The following CPA4 variants were observed in gnomAD, a reference collection of about 807,000 sequenced individuals.
The protein encoded by CPA4 is carboxypeptidase A3.
Under a neutral mutation model 54.7 loss-of-function variants are expected in CPA4, and 49 were observed. That is an observed-to-expected ratio of 0.90 (90% CI 0.71 to 1.14). The LOEUF is 1.14. CPA4 is among the 50% of genes most tolerant of loss of function. The pLI, the probability that CPA4 is intolerant of heterozygous loss-of-function variation, is 0.00. For missense variants in CPA4, 487 were observed against 525.1 expected (o/e 0.93, Z 0.71); for synonymous variants, 215 against 206.8 (o/e 1.04, Z -0.34).
intron 9 of CPA4, 115 bp downstream of exon 9, chr7:130,311,101 T>C: frequency 1.3e-6 from 1 of 785,524 alleles, no homozygotes; most frequent in Non-Finnish European, 2.2e-6. Context: ...CATGTTTCAT[T>C]GAAGGTCCAA....
rs150563047 is a variant in CPA4, at chr7:130,324,137, C to T, written c.*1461C>T. ...CTCCTGCCTAGGATTTGTACAGCAT[C>T]TGGTGTGTGCTTATAAGCCAATAAA... is the stretch of plus-strand genomic sequence containing the variant. On this transcript the variant is annotated 3_prime_UTR_variant, in exon 11 of 11. Transcript: ENST00000222482. 678 of 152,750 alleles carry T rather than the reference C, an allele frequency of 4.4e-3. 7 individuals are homozygous for T. The highest frequency in any genetic ancestry group is 6.8e-3 in the Middle Eastern group (2 of 294). 9.5% of individuals were successfully genotyped at this position (152,750 alleles called of 1,614,324 possible).
chr7:130,307,625 A>G (rs549195896), intron 7 of CPA4, among the ~76,000 whole-genome samples: 3,844 of 111,648 alleles, frequency 0.034, 109 homozygotes, highest in Non-Finnish European at 0.047. Context: ...GCAAGACTCC[A>G]TCTCAGAAAA....
Position 130,306,002 on chromosome 7 carries a change from C to T in CPA4, c.591+82C>T, listed in dbSNP as rs562589354. On this transcript the variant is annotated intron_variant, in intron 6 of 10. Coordinates refer to ENST00000222482, the MANE Select transcript of CPA4 (RefSeq NM_016352.4). ...ATGCCATGTGGCTGGGCCTGGGGCA[C>T]GAGGTGGGAGGGTTCTCTACTAAGA... 1.7e-4 allele frequency: 204 copies of T among 1,180,538 alleles called. 2 individuals are homozygous for T. The South Asian group carries it at 2.2e-3, about 13-fold the overall frequency. The allele number at this position is 1,180,538 out of a possible 1,614,324, so 73.1% of individuals were successfully genotyped here.
chr7:130,317,865 G>A (rs929816080), intron 10 of CPA4, among the ~76,000 whole-genome samples: 7 of 151,666 alleles, frequency 4.6e-5, no homozygotes, highest in Non-Finnish European at 7.4e-5. Context: ...TCAATTCTCC[G>A]CCCACTCTCC....
intron 4 of CPA4, among the ~76,000 whole-genome samples, chr7:130,304,064 A>G (rs112355878): frequency 6.6e-6 from 1 of 150,946 alleles, no homozygotes; most frequent in Non-Finnish European, 1.5e-5. Context: ...ATGGGGTCTC[A>G]CTATGTTGCC....
In CPA4 at chr7:130,296,650, A is replaced by G. The variant is rs531322193; in HGVS notation, c.69-2096A>G. Among the ~76,000 whole-genome samples the G allele has an allele frequency of 2.9e-4, 44 of 149,664 alleles. No individual in the cohort carries two copies. In the South Asian group the frequency reaches 4.2e-3, roughly 14 times the overall value. On this transcript the variant is annotated intron_variant, in intron 1 of 10. Coordinates refer to ENST00000222482, the MANE Select transcript of CPA4 (RefSeq NM_016352.4). Reference sequence around the variant, plus strand: ...TAACTGTGCTAATAAATATGTCACCACACAAGATCTTTCTAGCAGCTCCCC... The same window carrying G: ...TAACTGTGCTAATAAATATGTCACCGCACAAGATCTTTCTAGCAGCTCCCC...
At chr7:130,316,591 A>C (rs574507902) in intron 10 of CPA4, among the ~76,000 whole-genome samples, 2 of 152,182 alleles carry the variant, frequency 1.3e-5, no homozygotes. Context: ...GTGGTGAAAC[A>C]TGGTGAGAGA....
intron 10 of CPA4, among the ~76,000 whole-genome samples, chr7:130,315,783 G>A (rs1408158820): frequency 6.6e-6 from 1 of 152,158 alleles, no homozygotes; most frequent in Non-Finnish European, 1.5e-5. Context: ...TCGAAAGGTT[G>A]GGAAAGAAGG....
Position 130,323,943 on chromosome 7 carries a change from GTGTGTGTC to G in CPA4, c.*1271_*1278del, listed in dbSNP as rs1794174843. 2 of 151,852 alleles carry G rather than the reference GTGTGTGTC, an allele frequency of 1.3e-5. No homozygotes were observed. Among genetic ancestry groups the G allele is most frequent in the Non-Finnish European group, 2.9e-5 (2 of 68,258 alleles). The allele number at this position is 151,852 out of a possible 1,614,324, so 9.4% of individuals were successfully genotyped here. A position where few individuals can be genotyped will look rare whatever the true frequency, so the allele number is the denominator to read the frequency against. ...TGTGTGTGTGTGTGTGTGTTTGTGT[GTGTGTGTC>G]TGTCTATTTTGTATCCTGGACCACA... On this transcript the variant is annotated 3_prime_UTR_variant, in exon 11 of 11. Transcript: ENST00000222482.
intron 1 of CPA4, chr7:130,293,536 T>G (rs957591549): frequency 2.8e-5 from 10 of 352,890 alleles, no homozygotes; most frequent in Non-Finnish European, 5.2e-5. Flanking sequence ...GGCATCTACT[T>G]TCTTACTCCT....
intron 4 of CPA4, among the ~76,000 whole-genome samples, chr7:130,303,352 G>C (rs112007696): frequency 2.0e-5 from 3 of 152,142 alleles, no homozygotes; most frequent in Admixed American, 6.5e-5. Context: ...ATCTCCAAAG[G>C]GGGGCACATG....
Position 130,308,344 on chromosome 7 carries a change from GA to G in CPA4, c.742del (p.Ser248AlafsTer41). The G allele has an allele frequency of 6.2e-7, 1 of 1,614,192 alleles. No individual in the cohort carries two copies. Among genetic ancestry groups the G allele is most frequent in the Middle Eastern group, 1.6e-4 (1 of 6,062 alleles). On this transcript the variant is annotated frameshift_variant, in exon 8 of 11. Transcript: ENST00000222482. LOFTEE classifies it high-confidence loss of function. ...AGGAAGACGCGGTCCCGAAATCCTG[GA>G]AGCTCCTGCATTGGTGCTGACCCAA... ...LWRKTRSRNP[G>X]SSCIGADPNR...
At chr7:130,299,616 T>C in intron 3 of CPA4, 1 of 532,724 alleles carries the variant, frequency 1.9e-6, no homozygotes, top group Non-Finnish European at 3.4e-6. Flanking sequence ...CCACACAGAT[T>C]TGGATCCAAA....
intron 10 of CPA4, among the ~76,000 whole-genome samples, chr7:130,318,791 A>AATC (rs2117166416): frequency 6.6e-6 from 1 of 152,214 alleles, no homozygotes; most frequent in South Asian, 2.1e-4. Context: ...AAAAAAAAGC[A>AATC]ATCAATTTTT....
At chr7:130,313,319 A>T (rs1271184482) in intron 10 of CPA4, among the ~76,000 whole-genome samples, 1 of 152,192 alleles carries the variant, frequency 6.6e-6, no homozygotes, top group Non-Finnish European at 1.5e-5. Flanking sequence ...GACCTGTGTT[A>T]CGATTTTGTT....
At position 130,297,124 on chromosome 7, in the gene CPA4, T is replaced by C. The variant is rs142649859; in HGVS notation, c.69-1622T>C. 4.8e-3 allele frequency among the ~76,000 whole-genome samples: 723 copies of C among 152,006 alleles called. 6 individuals are homozygous for C. Among genetic ancestry groups the C allele is most frequent in the African/African-American group, 0.015 (640 of 41,448 alleles). ...GAACCACCACGCCCAGCTAATTGTT[T>C]TTCATTTTTTTGTAGAGGCAAAGTC... On this transcript the variant is annotated intron_variant, in intron 1 of 10. Transcript: ENST00000222482.
intron 10 of CPA4, among the ~76,000 whole-genome samples, chr7:130,315,958 G>A (rs761228846): frequency 7.2e-5 from 11 of 152,156 alleles, no homozygotes; most frequent in Non-Finnish European, 1.2e-4. Context: ...TCTCATAAAA[G>A]CGTTGTTTTT....
chr7:130,310,696 A>C lies in CPA4; in HGVS notation c.794-91A>C. On this transcript the variant is annotated intron_variant, in intron 8 of 10. Transcript: ENST00000222482. This position sits in a 1 kb window ranked among gnomAD's most constrained non-coding sequence, Gnocchi z 4.3. ...GTCTCGCCATGGCCTGCCCATTCCC[A>C]ATACCTTCGGCCCCTCTCTAGGTGG... 1 of 1,239,970 alleles carries C rather than the reference A, an allele frequency of 8.1e-7. No homozygotes were observed. Among genetic ancestry groups the C allele is most frequent in the Non-Finnish European group, 1.2e-6 (1 of 856,608 alleles). The allele number at this position is 1,239,970 out of a possible 1,614,324, so 76.8% of individuals were successfully genotyped here.
intron 8 of CPA4, among the ~76,000 whole-genome samples, chr7:130,308,839 CCTAGCCCAGCCTTTTTTT>C (rs1309418682): frequency 7.1e-6 from 1 of 141,362 alleles, no homozygotes; most frequent in African/African-American, 2.9e-5. Flanking sequence ...CCGTAAGCCA[CCTAGCCCAGCCTTTTTTT>C]TTTTTTTTGA....
Sources: allele counts gnomAD v4.1 joint callset (sites outside exome capture counted in the v4.1 genomes callset), GRCh38; gene constraint gnomAD v4.1.1; non-coding constraint Gnocchi (gnomAD v3.1); transcripts MANE v1.5; gene names NCBI Gene and HGNC (gene_info 2026-07-23, HGNC 2026-07-21).